Variants in MICAL2 observed in about 807,000 individuals in gnomAD.
MICAL2 encodes the protein microtubule associated monooxygenase, calponin and LIM domain containing 2.
A neutral mutation model predicts 127.3 loss-of-function variants in MICAL2; 77 were observed. That is an observed-to-expected ratio of 0.60 (90% confidence interval 0.50 to 0.73). MICAL2 has a LOEUF of 0.73. Ranked by LOEUF, MICAL2 falls within the 30% of genes least tolerant of loss-of-function variation. The pLI, the probability that MICAL2 is intolerant of heterozygous loss-of-function variation, is 0.00. For missense variants in MICAL2, 1,351 were observed against 1,434.4 expected (o/e 0.94, Z 0.94); for synonymous variants, 570 against 551.1 (o/e 1.03, Z -0.48).
At chr11:12,239,284 G>T (rs907505100) in intron 16 of MICAL2, 152 bp from the exon 17 acceptor site, 1 of 958,216 alleles carries the variant, frequency 1.0e-6, no homozygotes, top group South Asian at 1.4e-5. Context: ...TTGCCTCTGC[G>T]GGGGTGGCCC....
intron 1 of MICAL2, among the ~76,000 whole-genome samples, chr11:12,134,369 C>T (rs1176877024): frequency 6.6e-6 from 1 of 152,106 alleles, no homozygotes; most frequent in Non-Finnish European, 1.5e-5. Flanking sequence ...CTCTTCTTCC[C>T]CTCTCATAAT....
At chr11:12,150,234 T>C (rs1165080530) in intron 2 of MICAL2, among the ~76,000 whole-genome samples, 1 of 152,178 alleles carries the variant, frequency 6.6e-6, no homozygotes, top group East Asian at 1.9e-4. Context: ...TTCATATTGA[T>C]AAATTCACAA....
At chr11:12,319,613 G>C (rs563029250) in intron 29 of MICAL2, 5 of 980,418 alleles carry the variant, frequency 5.1e-6, no homozygotes, top group African/African-American at 3.2e-5. Flanking sequence ...GAGAGTAAGT[G>C]GGGGAGGAGG....
intron 3 of MICAL2, among the ~76,000 whole-genome samples, chr11:12,199,167 C>A (rs1165116382): frequency 6.6e-6 from 1 of 152,162 alleles, no homozygotes; most frequent in South Asian, 2.1e-4. Flanking sequence ...AATAAGAGTG[C>A]CTGGAGCAAG....
intron 29 of MICAL2, among the ~76,000 whole-genome samples, chr11:12,298,366 C>T (rs956053745): frequency 6.6e-6 from 1 of 152,036 alleles, no homozygotes; most frequent in South Asian, 2.1e-4. Context: ...ATTAATTCCT[C>T]TTTGTTATAA....
Position 12,244,123 on chromosome 11 carries a change from T to C in MICAL2, c.2784+11T>C. 2 of 1,614,216 alleles carry C rather than the reference T, an allele frequency of 1.2e-6. No individual in the cohort carries two copies. The highest frequency in any genetic ancestry group is 1.3e-5 in the African/African-American group (1 of 75,066). On this transcript the variant is annotated intron_variant, in intron 21 of 27. Transcript: ENST00000683283. ...TCTCCTGCCAGAAAGGTAGTTGTCC[T>C]GAACAATTTGCTTTCCCTATTCCCT...
Position 12,262,444 on chromosome 11 carries a change from TTC to T in MICAL2, c.3335-28_3335-27del, listed in dbSNP as rs779382401. 4.3e-6 allele frequency: 7 copies of T among 1,612,594 alleles called. No homozygotes were observed. The African/African-American group carries it at 5.3e-5, about 12-fold the overall frequency. On this transcript the variant is annotated intron_variant, in intron 26 of 27. Coordinates refer to ENST00000683283, the MANE Select transcript of MICAL2 (RefSeq NM_001282663.2). ...CCACACTAAGCTCTCTTTTCTATCT[TTC>T]TCTCTCTTTCCAATCTTACGCCATG...
At chr11:12,212,367 C>A (rs1210252902) in intron 6 of MICAL2, among the ~76,000 whole-genome samples, 1 of 152,168 alleles carries the variant, frequency 6.6e-6, no homozygotes, top group African/African-American at 2.4e-5. Flanking sequence ...GTCCCAGCTA[C>A]TTGCTGGCTG....
At chr11:12,302,333 A>G (rs1402266366) in intron 29 of MICAL2, among the ~76,000 whole-genome samples, 2 of 152,216 alleles carry the variant, frequency 1.3e-5, no homozygotes, top group Non-Finnish European at 2.9e-5. Context: ...AGTAGATACT[A>G]TCAAACAGTT....
At chr11:12,177,105 A>G (rs1233136234) in intron 3 of MICAL2, among the ~76,000 whole-genome samples, 1 of 152,186 alleles carries the variant, frequency 6.6e-6, no homozygotes, top group African/African-American at 2.4e-5. Flanking sequence ...TAGTTGTACC[A>G]TTTTATATTC....
At chr11:12,310,029 G>T (rs537322813) in intron 29 of MICAL2, among the ~76,000 whole-genome samples, 60 of 151,960 alleles carry the variant, frequency 3.9e-4, no homozygotes, top group Non-Finnish European at 6.8e-4. Flanking sequence ...GAATTATTTG[G>T]TTTTTTGTAC....
At chr11:12,188,452 G>A (rs1261454589) in intron 3 of MICAL2, among the ~76,000 whole-genome samples, 2 of 151,912 alleles carry the variant, frequency 1.3e-5, no homozygotes, top group African/African-American at 2.4e-5. Context: ...GGAGAGTGGC[G>A]TGGTTGGCAC....
chr11:12,257,866 G>A (rs1039689725), intron 24 of MICAL2, among the ~76,000 whole-genome samples: 1 of 152,202 alleles, frequency 6.6e-6, no homozygotes, highest in Non-Finnish European at 1.5e-5. Context: ...GTGGTCCTGG[G>A]CAGTGGCAGT....
intron 3 of MICAL2, among the ~76,000 whole-genome samples, chr11:12,165,160 AGAAAG>A (rs1271214576): frequency 1.9e-5 from 1 of 53,806 alleles, no homozygotes; most frequent in Non-Finnish European, 4.0e-5. Context: ...AAAAAAGAAA[AGAAAG>A]AAAGAAAGAA....
intron 15 of MICAL2, among the ~76,000 whole-genome samples, chr11:12,231,654 G>C (rs960389215): frequency 6.6e-6 from 1 of 152,146 alleles, no homozygotes; most frequent in African/African-American, 2.4e-5. Context: ...TGGGACTTAC[G>C]AACTTCCTCT....
At chr11:12,338,212 CCTT>C (rs1555023587) in intron 32 of MICAL2, among the ~76,000 whole-genome samples, 1 of 152,090 alleles carries the variant, frequency 6.6e-6, no homozygotes, top group Non-Finnish European at 1.5e-5. Context: ...TATGTAATGG[CCTT>C]CTTTGTCTCT....
intron 33 of MICAL2, among the ~76,000 whole-genome samples, chr11:12,354,590 G>A (rs1939103180): frequency 6.6e-6 from 1 of 152,122 alleles, no homozygotes; most frequent in Admixed American, 6.5e-5. Flanking sequence ...GTGAGCTGGT[G>A]CCACTGCACT....
At chr11:12,186,775 A>G (rs923325013) in intron 3 of MICAL2, among the ~76,000 whole-genome samples, 1 of 152,184 alleles carries the variant, frequency 6.6e-6, no homozygotes, top group Non-Finnish European at 1.5e-5. Flanking sequence ...AAGGGTGCCC[A>G]GCACAGGTGG....
chr11:12,332,977 G>A (rs541842199), intron 32 of MICAL2, among the ~76,000 whole-genome samples: 13 of 152,104 alleles, frequency 8.5e-5, no homozygotes, highest in African/African-American at 1.9e-4. Flanking sequence ...CCGACAGTCC[G>A]CTTGCTGTAT....
Sources: allele counts gnomAD v4.1 joint callset (sites outside exome capture counted in the v4.1 genomes callset), GRCh38; gene constraint gnomAD v4.1.1; transcripts MANE v1.5; gene names NCBI Gene and HGNC (gene_info 2026-07-23, HGNC 2026-07-21).